PPFIBP1: variants seen among roughly 807,000 people sequenced by gnomAD.
PPFIBP1 encodes the protein PPFIB scaffold protein 1.
In PPFIBP1, 112 loss-of-function variants were observed where a neutral mutation model predicts 137.8. That is an observed-to-expected ratio of 0.81 (90% CI 0.70 to 0.95). The LOEUF (loss-of-function observed/expected upper bound fraction) is 0.95, where lower values mean the gene tolerates loss of function less well. PPFIBP1 is among the 40% of genes least tolerant of loss of function. The pLI, the probability that PPFIBP1 is intolerant of heterozygous loss-of-function variation, is 0.00. For missense variants in PPFIBP1, 1,083 were observed against 1,196.6 expected, an observed-to-expected ratio of 0.91 and a Z score of 1.40; for synonymous variants, 378 against 417.3, an observed-to-expected ratio of 0.91 and a Z score of 1.15.
intron 1 of PPFIBP1, among the ~76,000 whole-genome samples, chr12:27,543,525 A>T (rs1329995569): frequency 6.6e-6 from 1 of 151,996 alleles, no homozygotes; most frequent in African/African-American, 2.4e-5. Flanking sequence ...CATTTTTTCC[A>T]CCTTTTGGTA....
chr12:27,646,933 C>G (rs144265307), intron 5 of PPFIBP1, among the ~76,000 whole-genome samples: 341 of 152,330 alleles, frequency 2.2e-3, no homozygotes, highest in African/African-American at 7.7e-3. Flanking sequence ...AGTTGCCCCC[C>G]CTGACTTTGA....
intron 4 of PPFIBP1, among the ~76,000 whole-genome samples, chr12:27,641,758 T>C (rs1189382186): frequency 6.6e-6 from 1 of 152,070 alleles, no homozygotes; most frequent in Non-Finnish European, 1.5e-5. Context: ...GAGAGCTCAC[T>C]AAAATACCAA....
intron 25 of PPFIBP1, among the ~76,000 whole-genome samples, chr12:27,687,746 T>C (rs2061286511): frequency 6.6e-6 from 1 of 152,184 alleles, no homozygotes; most frequent in Non-Finnish European, 1.5e-5. Context: ...GGTGTATTTT[T>C]TTTTCCTGAC....
At chr12:27,629,478 A>T (rs952302646) in intron 2 of PPFIBP1, among the ~76,000 whole-genome samples, 1 of 152,200 alleles carries the variant, frequency 6.6e-6, no homozygotes, top group African/African-American at 2.4e-5. Context: ...CTTGAATTTC[A>T]TATAAAAGTA....
intron 1 of PPFIBP1, among the ~76,000 whole-genome samples, chr12:27,550,991 AT>A (rs9300174): frequency 1.0e-4 from 14 of 136,704 alleles, no homozygotes; most frequent in South Asian, 4.6e-4. Flanking sequence ...ATATATATAT[AT>A]TTTTTTTTTT....
intron 2 of PPFIBP1, among the ~76,000 whole-genome samples, chr12:27,578,557 A>G (rs1173259072): frequency 6.6e-6 from 1 of 152,198 alleles, no homozygotes; most frequent in African/African-American, 2.4e-5. Flanking sequence ...CGAGTCCTTC[A>G]TCACTCTTCA....
chr12:27,632,119 G>A (rs1009448854), intron 2 of PPFIBP1, among the ~76,000 whole-genome samples: 5 of 152,170 alleles, frequency 3.3e-5, no homozygotes, highest in Non-Finnish European at 5.9e-5. Flanking sequence ...ACCTTTGGAA[G>A]TGAGTAAAGT....
intron 1 of PPFIBP1, among the ~76,000 whole-genome samples, chr12:27,541,770 A>G (rs964419334): frequency 1.3e-5 from 2 of 152,210 alleles, no homozygotes; most frequent in Admixed American, 6.5e-5. Flanking sequence ...GAGCTTAAAT[A>G]CTGTTTCCAT....
chr12:27,603,033 TATA>T lies in PPFIBP1; in HGVS notation c.-36+24797_-36+24799del, dbSNP rs2054159314. ...ACATACAGCCTTTCTTATTGTATTTTATAATGTCAAGGCTCCTACATACTTTGG... is the reference window on the plus strand; with the variant it reads ...ACATACAGCCTTTCTTATTGTATTTTATGTCAAGGCTCCTACATACTTTGG... On this transcript the variant is annotated intron_variant, in intron 2 of 29. Transcript: ENST00000228425. Among the ~76,000 whole-genome samples the T allele has an allele frequency of 2.0e-5, 3 of 152,354 alleles. 1 individual carries two copies. In the South Asian group the frequency reaches 6.2e-4, roughly 32 times the overall value.
At chr12:27,637,518 G>A (rs2057767527) in intron 4 of PPFIBP1, among the ~76,000 whole-genome samples, 1 of 152,146 alleles carries the variant, frequency 6.6e-6, no homozygotes, top group South Asian at 2.1e-4. Flanking sequence ...GATCCAGAGA[G>A]ATAAGGAATT....
At chr12:27,536,274 C>G (rs708185) in intron 1 of PPFIBP1, among the ~76,000 whole-genome samples, 148,041 of 152,334 alleles carry the variant, frequency 0.97, 71,972 homozygotes, top group East Asian at 1. Flanking sequence ...CATATTACGT[C>G]GTATGTTAGG....
At position 27,614,346 on chromosome 12, in the gene PPFIBP1, G is replaced by A. The variant is rs533322827; in HGVS notation, c.-35-19016G>A. The stretch of plus-strand genomic sequence containing the variant: ...GTGAGCCGTGCGTGATTGGGCCACC[G>A]CACTCCAGCCTGAGTGACAGAGCAA... On this transcript the variant is annotated intron_variant, in intron 2 of 29. Coordinates refer to ENST00000228425, the MANE Select transcript of PPFIBP1 (RefSeq NM_003622.4). Among the ~76,000 whole-genome samples the A allele has an allele frequency of 9.2e-5, 14 of 152,150 alleles. No homozygotes were observed. In the South Asian group the frequency reaches 2.1e-3, roughly 23 times the overall value.
At chr12:27,627,367 A>T (rs2056905016) in intron 2 of PPFIBP1, among the ~76,000 whole-genome samples, 1 of 152,212 alleles carries the variant, frequency 6.6e-6, no homozygotes, top group Non-Finnish European at 1.5e-5. Context: ...TATTTTCATA[A>T]TGACCACAGA....
chr12:27,673,967 T>A lies in PPFIBP1; in HGVS notation c.1380+140T>A, dbSNP rs1409536067. 1.2e-5 allele frequency: 10 copies of A among 833,966 alleles called. No homozygotes were observed. In the East Asian group the frequency reaches 2.7e-4, roughly 22 times the overall value. The allele number at this position is 833,966 out of a possible 1,614,324, so 51.7% of individuals were successfully genotyped here. On this transcript the variant is annotated intron_variant, in intron 16 of 29. Transcript: ENST00000228425. ...TAGTGGAAAATTATTAGATGTTAGG[T>A]TTAACAGTAAATATTAAGAAGTATG...
At position 27,577,920 on chromosome 12, in the gene PPFIBP1, A is replaced by G. The variant is rs1008300261; in HGVS notation, c.-123-232A>G. On this transcript the variant is annotated intron_variant, in intron 1 of 29. Transcript: ENST00000228425. ...CATCAGGGAATATTTGAGGTTGTCC[A>G]GTAACTGAGGAAGGAAGGGAGAGAA... is the stretch of plus-strand genomic sequence containing the variant. 5.9e-5 allele frequency among the ~76,000 whole-genome samples: 9 copies of G among 152,188 alleles called. 1 individual carries two copies. Among genetic ancestry groups the G allele is most frequent in the Admixed American group, 5.2e-4 (8 of 15,272 alleles).
intron 2 of PPFIBP1, among the ~76,000 whole-genome samples, chr12:27,595,884 AAAATATATATATAT>A (rs1565837767): frequency 7.2e-5 from 4 of 55,606 alleles, no homozygotes; most frequent in South Asian, 1.6e-3. Flanking sequence ...CAACAACAAC[AAAATATATATATAT>A]ATATATATAT....
rs756923796 is a variant in PPFIBP1 at position 27,667,276 on chromosome 12, G to A, written c.1102G>A (p.Gly368Arg). The A allele has an allele frequency of 1.2e-6, 2 of 1,613,034 alleles. No individual in the cohort carries two copies. The highest frequency in any genetic ancestry group is 2.2e-5 in the South Asian group (2 of 90,830). ...EKSPSPTPVM[G>R]SPSCDPFNTS... The stretch of plus-strand genomic sequence containing the variant: ...AAGTCCATCACCCACTCCAGTAATG[G>A]GATCTCCCAGTTGTGACCCATTTAA... The change falls in exon 13 of 30, where the codon GGA becomes AGA. Residue 368 changes from glycine to arginine, a missense_variant. Gly to Arg is a moderately radical substitution (Grantham distance 125, BLOSUM62 -2). Transcript: ENST00000228425.
intron 1 of PPFIBP1, among the ~76,000 whole-genome samples, chr12:27,571,826 A>G (rs574789597): frequency 6.6e-6 from 1 of 152,310 alleles, no homozygotes; most frequent in Admixed American, 6.5e-5. Flanking sequence ...TGATATTTGC[A>G]GTAACACATT....
At chr12:27,640,478 C>T (rs550733065) in intron 4 of PPFIBP1, among the ~76,000 whole-genome samples, 52 of 152,284 alleles carry the variant, frequency 3.4e-4, no homozygotes, top group African/African-American at 4.3e-4. Context: ...GCTGGGGCTT[C>T]GCTTTTAGGA....
Sources: gnomAD v4.1 joint callset for allele counts (sites outside exome capture counted in the v4.1 genomes callset) on GRCh38, gnomAD v4.1.1 for gene constraint, MANE v1.5 for transcripts, NCBI Gene and HGNC (gene_info 2026-07-23, HGNC 2026-07-21) for gene names.